The following SLC44A1 variants were observed in gnomAD, a reference collection of about 807,000 sequenced individuals.
The protein encoded by SLC44A1 is choline transporter-like protein 1.
In SLC44A1, 26 loss-of-function variants were observed where a neutral mutation model predicts 79.3. That is an observed-to-expected ratio of 0.33 (90% CI 0.24 to 0.46). The LOEUF (loss-of-function observed/expected upper bound fraction) is 0.46, where lower values mean the gene tolerates loss of function less well. SLC44A1 is among the 20% of genes least tolerant of loss of function. The pLI, the probability that SLC44A1 is intolerant of heterozygous loss-of-function variation, is 1.00. For synonymous variants in SLC44A1, 263 were observed against 286.2 expected, an observed-to-expected ratio of 0.92 and a Z score of 0.82; for missense variants, 688 against 798.1, an observed-to-expected ratio of 0.86 and a Z score of 1.66.
chr9:105,402,915 G>A (rs1055835576), intron 15 of SLC44A1, among the ~76,000 whole-genome samples: 3 of 148,648 alleles, frequency 2.0e-5, no homozygotes, highest in South Asian at 4.2e-4. Flanking sequence ...TAGCTCAAGC[G>A]ATCCTCCCAC....
rs144367903 is a variant in SLC44A1 at position 105,335,661 on chromosome 9, A to G, written c.368A>G (p.Lys123Arg). The stretch of plus-strand genomic sequence containing the variant: ...GCAGCGTGTCCAAGGCAAGAACTGA[A>G]AACTCTGAGTGATGTTCAGAAGTTT... ...CVAACPRQEL[K>R]TLSDVQKFAE... The change falls in exon 4 of 16, where the codon AAA (lysine) becomes AGA (arginine). Residue 123 changes from lysine (K) to arginine (R), a missense_variant. Physicochemically the swap from Lys to Arg is conservative, Grantham distance 26 (BLOSUM62 2). Coordinates refer to ENST00000374720, the MANE Select transcript of SLC44A1 (RefSeq NM_080546.5). 12 of 1,613,642 alleles carry G rather than the reference A, an allele frequency of 7.4e-6. No individual in the cohort carries two copies. Among genetic ancestry groups the G allele is most frequent in the Non-Finnish European group, 1.0e-5 (12 of 1,179,784 alleles).
Position 105,390,896 on chromosome 9 carries a change from A to G in SLC44A1, c.*1840A>G. On this transcript the variant is annotated 3_prime_UTR_variant, in exon 16 of 16. Coordinates refer to ENST00000374720, the MANE Select transcript of SLC44A1 (RefSeq NM_080546.5). ...CTCCAGAAGTTAACATCTAATATCT[A>G]GTATCACCAAACAGTATCGCTGTTC... 1.0e-6 allele frequency: 1 copy of G among 982,504 alleles called. No homozygotes were observed. Among genetic ancestry groups the G allele is most frequent in the East Asian group, 1.1e-4 (1 of 8,800 alleles). The allele number at this position is 982,504 out of a possible 1,614,324, so 60.9% of individuals were successfully genotyped here. A position where few individuals can be genotyped will look rare whatever the true frequency, so the allele number is the denominator to read the frequency against.
rs947615534 is a variant in SLC44A1, at chr9:105,396,685, T to C, written c.*7629T>C. Reference sequence around the variant, plus strand: ...GTAATGTGGCATGAGAAGTATGTTTTGGTGCCACATATTTCTCAATCTGAT... The same window carrying C: ...GTAATGTGGCATGAGAAGTATGTTTCGGTGCCACATATTTCTCAATCTGAT... On this transcript the variant is annotated 3_prime_UTR_variant, in exon 16 of 16. Transcript: ENST00000374720. 15 of 985,062 alleles carry C rather than the reference T, an allele frequency of 1.5e-5. No individual in the cohort carries two copies. Among genetic ancestry groups the C allele is most frequent in the Non-Finnish European group, 1.8e-5 (15 of 829,872 alleles). 61.0% of individuals were successfully genotyped at this position (985,062 alleles called of 1,614,324 possible).
chr9:105,254,243 T>C (rs1439638853), intron 1 of SLC44A1, among the ~76,000 whole-genome samples: 1 of 152,126 alleles, frequency 6.6e-6, no homozygotes, highest in Non-Finnish European at 1.5e-5. Context: ...CTTAATTAGC[T>C]CCCCTCAAGA....
intron 12 of SLC44A1, among the ~76,000 whole-genome samples, chr9:105,372,278 T>G (rs1222407204): frequency 6.6e-6 from 1 of 152,134 alleles, no homozygotes; most frequent in African/African-American, 2.4e-5. Context: ...AAAATCATAC[T>G]GTATTTCTGT....
chr9:105,356,297 A>G lies in SLC44A1; in HGVS notation c.586A>G (p.Ser196Gly), dbSNP rs774027871. The G allele has an allele frequency of 6.2e-7, 1 of 1,612,498 alleles. No individual in the cohort carries two copies. Among genetic ancestry groups the G allele is most frequent in the Admixed American group, 1.7e-5 (1 of 59,998 alleles). The change falls in exon 6 of 16, where the codon AGT becomes GGT. Residue 196 changes from serine to glycine, a missense_variant. Coordinates refer to ENST00000374720, the MANE Select transcript of SLC44A1 (RefSeq NM_080546.5). ...KFAEALITFV[S>G]DNSVLHRLIS... ...TGCAGAGGCCCTGATCACCTTTGTCAGTGACAATAGTGTCTTACACAGGCT... is the reference window on the plus strand; with the variant it reads ...TGCAGAGGCCCTGATCACCTTTGTCGGTGACAATAGTGTCTTACACAGGCT...
chr9:105,263,277 A>G (rs1172500433), intron 1 of SLC44A1, among the ~76,000 whole-genome samples: 4 of 152,156 alleles, frequency 2.6e-5, no homozygotes, highest in Non-Finnish European at 4.4e-5. Context: ...ATTTTGCACT[A>G]CCGAGCTCTG....
chr9:105,432,613 C>T (rs903555146), intron 15 of SLC44A1, among the ~76,000 whole-genome samples: 5 of 152,210 alleles, frequency 3.3e-5, no homozygotes, highest in African/African-American at 1.2e-4. Context: ...TCCCTTTCTT[C>T]CTGTTTACTG....
intron 15 of SLC44A1, among the ~76,000 whole-genome samples, chr9:105,438,085 C>T (rs1046992496): frequency 6.6e-6 from 1 of 152,110 alleles, no homozygotes; most frequent in Non-Finnish European, 1.5e-5. Context: ...CATGAATACA[C>T]AGTTGATAAG....
rs1828795516 is a variant in SLC44A1 at position 105,392,826 on chromosome 9, C to T, written c.*3770C>T. 3 of 985,282 alleles carry T rather than the reference C, an allele frequency of 3.0e-6. No homozygotes were observed. Among genetic ancestry groups the T allele is most frequent in the Admixed American group, 1.2e-4 (2 of 16,258 alleles). 61.0% of individuals were successfully genotyped at this position (985,282 alleles called of 1,614,324 possible). On this transcript the variant is annotated 3_prime_UTR_variant, in exon 16 of 16. Coordinates refer to ENST00000374720, the MANE Select transcript of SLC44A1 (RefSeq NM_080546.5). ...TTGAATATTTTATTTGATTTTTGGTCAGTAACCTTGTCATTTAAATTGGAC... is the reference window on the plus strand; with the variant it reads ...TTGAATATTTTATTTGATTTTTGGTTAGTAACCTTGTCATTTAAATTGGAC...
In SLC44A1 at chr9:105,351,592, GAA is replaced by G. The variant is rs1180394884; in HGVS notation, c.500+3143_500+3144del. Among the ~76,000 whole-genome samples, 327 of 121,880 alleles carry G rather than the reference GAA, an allele frequency of 2.7e-3. 9 individuals carry two copies. The highest frequency in any genetic ancestry group is 0.011 in the African/African-American group (313 of 27,396). The allele number at this position is 121,880 out of a possible 152,430, so 80.0% of individuals were successfully genotyped here. On this transcript the variant is annotated intron_variant, in intron 5 of 15. Transcript: ENST00000374720. ...AGAAAGAGAGAAAGAGAGAAAGAGA[GAA>G]AGAGAAAGAAAGAAAGAAAGAAAGA...
intron 5 of SLC44A1, among the ~76,000 whole-genome samples, chr9:105,352,133 A>T (rs1246875666): frequency 6.6e-6 from 1 of 152,220 alleles, no homozygotes; most frequent in Non-Finnish European, 1.5e-5. Context: ...AAAATGTTTT[A>T]AAAAGGGTGA....
At chr9:105,257,823 A>G (rs972270143) in intron 1 of SLC44A1, among the ~76,000 whole-genome samples, 4 of 152,236 alleles carry the variant, frequency 2.6e-5, no homozygotes, top group African/African-American at 4.8e-5. Flanking sequence ...GCTGCTTGTC[A>G]GTATGGAAAG....
In SLC44A1 at chr9:105,391,264, A is replaced by C. The variant is rs766387924; in HGVS notation, c.*2208A>C. On this transcript the variant is annotated 3_prime_UTR_variant, in exon 16 of 16. Transcript: ENST00000374720. ...TATGCTCGCAATCTCAGCTATTTGG[A>C]AGCTACCAGGAATGCTTTCTAATTA... 3 of 985,812 alleles carry C rather than the reference A, an allele frequency of 3.0e-6. No homozygotes were observed. The highest frequency in any genetic ancestry group is 3.6e-6 in the Non-Finnish European group (3 of 829,918). The allele number at this position is 985,812 out of a possible 1,614,324, so 61.1% of individuals were successfully genotyped here.
intron 7 of SLC44A1, among the ~76,000 whole-genome samples, chr9:105,359,885 G>A (rs955050533): frequency 2.0e-5 from 3 of 152,152 alleles, no homozygotes; most frequent in Admixed American, 6.5e-5. Flanking sequence ...CAACAAATAG[G>A]TAATGGAATT....
At chr9:105,261,775 CTTT>C (rs35530318) in intron 1 of SLC44A1, among the ~76,000 whole-genome samples, 60 of 111,694 alleles carry the variant, frequency 5.4e-4, no homozygotes, top group Middle Eastern at 5.7e-3. Context: ...CTCTCTCTCT[CTTT>C]TTTTTTTTTT....
At chr9:105,314,218 T>G (rs564788766) in intron 3 of SLC44A1, among the ~76,000 whole-genome samples, 43 of 152,254 alleles carry the variant, frequency 2.8e-4, no homozygotes, top group South Asian at 1.9e-3. Flanking sequence ...TGTTTGCCTC[T>G]GGGGAGAAGA....
At chr9:105,335,832 AAATATT>A in intron 4 of SLC44A1, 133 bp downstream of exon 4, 1 of 888,606 alleles carries the variant, frequency 1.1e-6, no homozygotes, top group Non-Finnish European at 1.7e-6. Flanking sequence ...CCTTGCTAAA[AAATATT>A]ATAGTCACCC....
intron 15 of SLC44A1, chr9:105,386,182 A>G (rs1828622086): frequency 1.0e-6 from 1 of 982,398 alleles, no homozygotes; most frequent in Non-Finnish European, 1.2e-6. Flanking sequence ...ATATCTCTCT[A>G]CTCCACTTTT....
Sources: allele counts gnomAD v4.1 joint callset (sites outside exome capture counted in the v4.1 genomes callset), GRCh38; gene constraint gnomAD v4.1.1; transcripts MANE v1.5; gene names NCBI Gene and HGNC (gene_info 2026-07-23, HGNC 2026-07-21).